Variants in AK9 observed in about 807,000 individuals in gnomAD.
The protein encoded by AK9 is adenylate kinase 9.
AK9 carries 191 observed loss-of-function variants against 239.6 expected under a neutral mutation model. That is an observed-to-expected ratio of 0.80 (90% CI 0.71 to 0.90). The LOEUF (loss-of-function observed/expected upper bound fraction) is 0.90, where lower values mean the gene tolerates loss of function less well. AK9 is among the 40% of genes least tolerant of loss of function. AK9 has a pLI of 0.00. For missense variants in AK9, 1,995 were observed against 2,214.7 expected, an observed-to-expected ratio of 0.90 and a Z score of 1.99; for synonymous variants, 689 against 721.0, an observed-to-expected ratio of 0.96 and a Z score of 0.71.
At chr6:109,519,883 G>T (rs1779659819) in intron 29 of AK9, among the ~76,000 whole-genome samples, 1 of 149,788 alleles carries the variant, frequency 6.7e-6, no homozygotes, top group Non-Finnish European at 1.5e-5. Context: ...TTCAGATGTT[G>T]GCTGCATGTA....
chr6:109,561,972 C>T (rs773979420), intron 24 of AK9, among the ~76,000 whole-genome samples: 106 of 152,112 alleles, frequency 7.0e-4, no homozygotes, highest in Non-Finnish European at 1.1e-3. Context: ...TCCCTAATCC[C>T]CAAATCTGAA....
intron 1 of AK9, among the ~76,000 whole-genome samples, chr6:109,682,969 C>G (rs147883409): frequency 4.6e-4 from 70 of 152,320 alleles, no homozygotes; most frequent in African/African-American, 1.7e-3. Flanking sequence ...AGGCCAATAT[C>G]CCTGATGAAC....
intron 1 of AK9, among the ~76,000 whole-genome samples, chr6:109,681,244 G>A (rs1210874390): frequency 6.6e-6 from 1 of 152,162 alleles, no homozygotes; most frequent in African/African-American, 2.4e-5. Context: ...ATAAAGGGAT[G>A]GAGGAATATT....
chr6:109,556,370 G>A (rs1281561559), intron 24 of AK9, among the ~76,000 whole-genome samples: 1 of 152,204 alleles, frequency 6.6e-6, no homozygotes, highest in Non-Finnish European at 1.5e-5. Flanking sequence ...TTTCTGCTGA[G>A]AGGTCCACTG....
Position 109,671,995 on chromosome 6 carries a change from G to T in AK9, c.255C>A (p.Ser85Arg). 1 of 1,613,884 alleles carries T rather than the reference G, an allele frequency of 6.2e-7. No homozygotes were observed. Among genetic ancestry groups the T allele is most frequent in the Non-Finnish European group, 8.5e-7 (1 of 1,179,898 alleles). Reference protein sequence around the residue: ...SGVMLQSMLISGQSIPDELVI... With the variant: ...SGVMLQSMLIRGQSIPDELVI... Reference sequence around the variant, plus strand: ...CAAGTTCATCTGGAATGCTTTGACCGCTGATCAACATTGATTGCAACTAAG... The same window carrying T: ...CAAGTTCATCTGGAATGCTTTGACCTCTGATCAACATTGATTGCAACTAAG... Residue 85 changes from serine to arginine, a missense_variant, in exon 5 of 41, where the codon AGC becomes AGA. Ser to Arg is a moderately radical substitution (Grantham distance 110). Transcript: ENST00000424296.
intron 1 of AK9, among the ~76,000 whole-genome samples, chr6:109,677,235 C>A (rs1771890306): frequency 1.3e-5 from 2 of 151,916 alleles, no homozygotes; most frequent in Admixed American, 1.3e-4. Flanking sequence ...GTACCCCGAA[C>A]CTAAAAGTTA....
chr6:109,691,128 G>C lies in AK9; in HGVS notation c.-12+19C>G, dbSNP rs1266239810. 4 of 526,708 alleles carry C rather than the reference G, an allele frequency of 7.6e-6. No homozygotes were observed. Among genetic ancestry groups the C allele is most frequent in the Non-Finnish European group, 1.4e-5 (4 of 291,884 alleles). The allele number at this position is 526,708 out of a possible 1,614,324, so 32.6% of individuals were successfully genotyped here. On this transcript the variant is annotated intron_variant, in intron 1 of 40. Coordinates refer to ENST00000424296, the MANE Select transcript of AK9 (RefSeq NM_001145128.3). ...ATCCGTCGACTTTTTCTCCGCCCAT[G>C]TTTTCCTCCAATCCTTACCAAAGAT...
chr6:109,509,123 C>CTCGTGAA, intron 33 of AK9, 56 bp downstream of exon 33: 3 of 1,475,506 alleles, frequency 2.0e-6, no homozygotes, highest in Non-Finnish European at 2.7e-6. Flanking sequence ...CACGAGCGAG[C>CTCGTGAA]AGTTTCTTGA....
intron 12 of AK9, among the ~76,000 whole-genome samples, chr6:109,622,928 G>C (rs1052871307): frequency 3.3e-5 from 5 of 152,058 alleles, no homozygotes; most frequent in Admixed American, 3.3e-4. Context: ...AGCAGTCTAT[G>C]AGAATGTACT....
In AK9 at chr6:109,542,101, G is replaced by C. The variant is rs1348308109; in HGVS notation, c.3296C>G (p.Pro1099Arg). The C allele has an allele frequency of 1.2e-6, 2 of 1,608,888 alleles. No homozygotes were observed. Among genetic ancestry groups the C allele is most frequent in the Non-Finnish European group, 1.7e-6 (2 of 1,176,270 alleles). ...KSSLMENEPL[P>R]PEILEVILSE... ...AAGAATTACTTCAAGAATTTCAGGA[G>C]GCAAGGGCTCATTTTCCATTAGACT... Residue 1099 changes from proline to arginine, a missense_variant, in exon 27 of 41, where the codon CCT (proline) becomes CGT (arginine). Coordinates refer to ENST00000424296, the MANE Select transcript of AK9 (RefSeq NM_001145128.3).
rs548682097 is a variant in AK9, at chr6:109,687,259, G to C, written c.-12+3888C>G. Among the ~76,000 whole-genome samples the C allele has an allele frequency of 1.1e-4, 17 of 152,238 alleles. No homozygotes were observed. The East Asian group carries it at 3.3e-3, about 29-fold the overall frequency. ...TAGAAGGTACAAGATCAGAAGGTAA[G>C]AGAAAAAGAGTTCTGGGGAAGAAGC... On this transcript the variant is annotated intron_variant, in intron 1 of 40. Transcript: ENST00000424296.
chr6:109,687,649 C>T (rs1030466021), intron 1 of AK9, among the ~76,000 whole-genome samples: 17 of 152,144 alleles, frequency 1.1e-4, no homozygotes, highest in African/African-American at 4.1e-4. Flanking sequence ...TGTGAATCAG[C>T]TTGGGAGTGG....
At chr6:109,625,169 G>A (rs1382681132) in intron 12 of AK9, among the ~76,000 whole-genome samples, 1 of 152,068 alleles carries the variant, frequency 6.6e-6, no homozygotes, top group Admixed American at 6.6e-5. Context: ...TAGGTGATCT[G>A]GCTTGGCAAT....
chr6:109,522,548 T>C (rs1358432625), intron 29 of AK9, among the ~76,000 whole-genome samples: 1 of 152,096 alleles, frequency 6.6e-6, no homozygotes, highest in Non-Finnish European at 1.5e-5. Flanking sequence ...ATTTTAGTTT[T>C]CATTAACTCT....
At chr6:109,642,731 G>C (rs1797610848) in intron 9 of AK9, among the ~76,000 whole-genome samples, 1 of 152,192 alleles carries the variant, frequency 6.6e-6, no homozygotes, top group Non-Finnish European at 1.5e-5. Context: ...CAGCTGGCTG[G>C]GTGGTTTTTG....
In AK9 at chr6:109,495,319, G is replaced by C; in HGVS notation, c.5418+19C>G. Reference sequence around the variant, plus strand: ...TTGTATTCTTCTAACATATATAACAGAAAATTAAGTAAAAGAACCTGTTCC... The same window carrying C: ...TTGTATTCTTCTAACATATATAACACAAAATTAAGTAAAAGAACCTGTTCC... On this transcript the variant is annotated intron_variant, in intron 39 of 40. Transcript: ENST00000424296. The C allele has an allele frequency of 6.4e-7, 1 of 1,572,916 alleles. No homozygotes were observed. Among genetic ancestry groups the C allele is most frequent in the Non-Finnish European group, 8.7e-7 (1 of 1,149,854 alleles).
chr6:109,649,139 T>C (rs1798540237), intron 8 of AK9, among the ~76,000 whole-genome samples: 1 of 152,182 alleles, frequency 6.6e-6, no homozygotes, highest in Admixed American at 6.5e-5. Context: ...AATATCATAC[T>C]GAATGGACAC....
chr6:109,616,585 C>G (rs144587698), intron 13 of AK9, among the ~76,000 whole-genome samples: 53 of 151,976 alleles, frequency 3.5e-4, no homozygotes, highest in Middle Eastern at 3.4e-3. Context: ...CTTTGTTGCC[C>G]AGGCTGATCT....
chr6:109,576,982 C>T (rs1788174788), intron 20 of AK9, among the ~76,000 whole-genome samples: 1 of 152,050 alleles, frequency 6.6e-6, no homozygotes, highest in Non-Finnish European at 1.5e-5. Context: ...AGGCACCCGC[C>T]ACCACGCCCG....
Sources: allele counts gnomAD v4.1 joint callset (sites outside exome capture counted in the v4.1 genomes callset), GRCh38; gene constraint gnomAD v4.1.1; transcripts MANE v1.5; gene names NCBI Gene and HGNC (gene_info 2026-07-23, HGNC 2026-07-21).